TRPM1: variants seen among roughly 807,000 people sequenced by gnomAD.
TRPM1 encodes the protein TRPM1-203 APA Isoform, Intron 10.
TRPM1 carries 113 observed loss-of-function variants against 149.4 expected under a neutral mutation model. That is an observed-to-expected ratio of 0.76 (90% CI 0.65 to 0.88). TRPM1 has a LOEUF of 0.88. Among genes scored for constraint, TRPM1 ranks in the 40% least tolerant of loss-of-function variants. The pLI is 0.00. For missense variants in TRPM1, 1,976 were observed against 2,038.7 expected, an observed-to-expected ratio of 0.97 and a Z score of 0.59; for synonymous variants, 741 against 759.5, an observed-to-expected ratio of 0.98 and a Z score of 0.40.
Position 31,037,763 on chromosome 15 carries a change from G to T in TRPM1, c.2519C>A (p.Thr840Lys), listed in dbSNP as rs758020288. ...CGCGTTATAGAATTCACAGATCTTT[G>T]TTCCGATGGGAATACTTCTCTGTTT... is the stretch of plus-strand genomic sequence containing the variant. ...HKKQRSIPIGTKICEFYNAPI... is the reference protein window; with the variant it reads ...HKKQRSIPIGKKICEFYNAPI... Residue 840 changes from threonine (T) to lysine (K), a missense_variant, in exon 20 of 28, where the codon ACA (threonine) becomes AAA (lysine). By Grantham distance (78) the Thr-to-Lys change is moderately conservative. Transcript: ENST00000256552. 12 of 1,614,104 alleles carry T rather than the reference G, an allele frequency of 7.4e-6. No individual in the cohort carries two copies. Among genetic ancestry groups the T allele is most frequent in the African/African-American group, 1.3e-5 (1 of 74,924 alleles).
Position 31,047,110 on chromosome 15 carries a change from C to T in TRPM1, c.1764+1G>A. ...AACACTACACAGGCACTGAGTTCTACCCTCTTTGGTCCAAACAAGTTGTTG... is the reference window on the plus strand; with the variant it reads ...AACACTACACAGGCACTGAGTTCTATCCTCTTTGGTCCAAACAAGTTGTTG... On this transcript the variant is annotated splice_donor_variant, in intron 15 of 27. Transcript: ENST00000256552. LOFTEE classifies it high-confidence loss of function. The T allele has an allele frequency of 1.9e-6, 3 of 1,614,220 alleles. No homozygotes were observed. Among genetic ancestry groups the T allele is most frequent in the Non-Finnish European group, 2.5e-6 (3 of 1,180,038 alleles).
chr15:31,109,027 A>G (rs1038141036), intron 1 of TRPM1, among the ~76,000 whole-genome samples: 5 of 152,226 alleles, frequency 3.3e-5, no homozygotes, highest in Admixed American at 2.6e-4. Flanking sequence ...GGAATGACTC[A>G]GAAATGACTT....
chr15:31,043,708 A>G (rs932056790), intron 16 of TRPM1, among the ~76,000 whole-genome samples: 1 of 152,232 alleles, frequency 6.6e-6, no homozygotes, highest in Admixed American at 6.5e-5. Context: ...AAGAATATAT[A>G]AGATAAAATA....
intron 13 of TRPM1, among the ~76,000 whole-genome samples, chr15:31,048,986 T>C (rs1208360979): frequency 6.6e-6 from 1 of 152,184 alleles, no homozygotes; most frequent in Non-Finnish European, 1.5e-5. Context: ...GGTGTGAAAC[T>C]TAGCTCTATG....
chr15:31,046,306 T>A (rs553402502), intron 15 of TRPM1, 73 bp from the exon 16 acceptor site: 1 of 1,391,568 alleles, frequency 7.2e-7, no homozygotes, highest in Non-Finnish European at 1.0e-6. Context: ...TTAGCAGTAT[T>A]GTTGATAGTG....
exon 1 of TRPM1, chr15:31,161,096 C>T (rs1334901776): frequency 2.2e-5 from 19 of 849,544 alleles, no homozygotes; most frequent in South Asian, 1.4e-4. Context: ...GGCAGCCCCA[C>T]GCACTGGGCG....
At chr15:31,125,729 CAAAAAAAAAAAAA>C (rs59878175) in intron 1 of TRPM1, among the ~76,000 whole-genome samples, 1 of 52,764 alleles carries the variant, frequency 1.9e-5, no homozygotes. Context: ...GACTCCGTCT[CAAAAAAAAAAAAA>C]AAAAAAAAAA....
At chr15:31,057,504 T>C (rs62038931) in intron 11 of TRPM1, among the ~76,000 whole-genome samples, 8,739 of 152,226 alleles carry the variant, frequency 0.057, 399 homozygotes, top group African/African-American at 0.11. Context: ...TTTACCTACA[T>C]AACAAACCTG....
chr15:31,014,330 G>A (rs1308054249), intron 27 of TRPM1, among the ~76,000 whole-genome samples: 2 of 152,010 alleles, frequency 1.3e-5, no homozygotes, highest in Non-Finnish European at 1.5e-5. Context: ...AAATACAGAC[G>A]AACCTTTCAG....
In TRPM1 at chr15:31,002,220, A is replaced by G. The variant is rs1441294641; in HGVS notation, c.4480T>C (p.Cys1494Arg). ...GAGCGCGTGATCTTTTGAACTTGGC[A>G]TTGCCATTCCGTCGTCAATTGCTGG... ...TDQQLTTEWQCQVQKITRSHS... is the reference protein window; with the variant it reads ...TDQQLTTEWQRQVQKITRSHS... The change falls in exon 28 of 28, where the codon TGC becomes CGC. Residue 1494 changes from cysteine to arginine, a missense_variant. Coordinates refer to ENST00000256552, the MANE Select transcript of TRPM1 (RefSeq NM_001252024.2). The G allele has an allele frequency of 1.2e-6, 2 of 1,614,102 alleles. No individual in the cohort carries two copies. The highest frequency in any genetic ancestry group is 1.1e-5 in the South Asian group (1 of 91,092).
intron 16 of TRPM1, among the ~76,000 whole-genome samples, chr15:31,043,491 C>T (rs1376652555): frequency 6.6e-6 from 1 of 152,154 alleles, no homozygotes; most frequent in Non-Finnish European, 1.5e-5. Context: ...CACGCCCGGC[C>T]ACGACTGACC....
chr15:31,120,725 CA>C (rs35006473), intron 1 of TRPM1, among the ~76,000 whole-genome samples: 309 of 143,666 alleles, frequency 2.2e-3, no homozygotes, highest in Middle Eastern at 3.6e-3. Context: ...GGAATTAGAC[CA>C]AAAAAAAAAA....
At chr15:31,012,364 A>C (rs2032216151) in intron 27 of TRPM1, among the ~76,000 whole-genome samples, 1 of 152,178 alleles carries the variant, frequency 6.6e-6, no homozygotes, top group Admixed American at 6.5e-5. Flanking sequence ...CTTCATTTTT[A>C]AAGGATAGTT....
intron 1 of TRPM1, among the ~76,000 whole-genome samples, chr15:31,114,074 C>T (rs2035762312): frequency 6.6e-6 from 1 of 152,026 alleles, no homozygotes; most frequent in Admixed American, 6.6e-5. Context: ...TCTAGCTAGA[C>T]AGAAAAGTTC....
intron 3 of TRPM1, 122 bp from the exon 4 acceptor site, chr15:31,070,348 T>C: frequency 2.2e-6 from 2 of 917,510 alleles, no homozygotes; most frequent in Admixed American, 1.8e-5. Flanking sequence ...AACACTTCAG[T>C]AAGCCAGCGT....
Position 31,062,635 on chromosome 15 carries a change from C to A in TRPM1, c.1033G>T (p.Ala345Ser), listed in dbSNP as rs2034263910. Reference sequence around the variant, plus strand: ...ATTGCAAACAGCTGATGTGATTGTGCCTTATTATAATTAAATGTTTTCTGA... The same window carrying A: ...ATTGCAAACAGCTGATGTGATTGTGACTTATTATAATTAAATGTTTTCTGA... ...TIQKTFNYNK[A>S]QSHQLFAIIM... Residue 345 changes from alanine (A) to serine (S), a missense_variant, in exon 9 of 28, where the codon GCA becomes TCA. Coordinates refer to ENST00000256552, the MANE Select transcript of TRPM1 (RefSeq NM_001252024.2). The A allele has an allele frequency of 9.3e-6, 15 of 1,613,950 alleles. No homozygotes were observed. The highest frequency in any genetic ancestry group is 1.3e-5 in the Non-Finnish European group (15 of 1,179,918).
intron 1 of TRPM1, among the ~76,000 whole-genome samples, chr15:31,086,602 C>A (rs2035006571): frequency 6.6e-6 from 1 of 152,302 alleles, no homozygotes; most frequent in Non-Finnish European, 1.5e-5. Flanking sequence ...CCTCTCCCAG[C>A]AGGGGCTCCA....
chr15:31,038,284 G>A (rs907535460), intron 18 of TRPM1, 118 bp from the exon 19 acceptor site: 2 of 1,163,570 alleles, frequency 1.7e-6, no homozygotes, highest in African/African-American at 1.5e-5. Context: ...GCCCTGGAAT[G>A]TTATCCCTGG....
intron 1 of TRPM1, among the ~76,000 whole-genome samples, chr15:31,082,843 C>T (rs2034898278): frequency 6.6e-6 from 1 of 152,138 alleles, no homozygotes. Context: ...GAAGTGTAGA[C>T]AGCAAGTGTC....
Sources: allele counts gnomAD v4.1 joint callset (sites outside exome capture counted in the v4.1 genomes callset), GRCh38; gene constraint gnomAD v4.1.1; transcripts MANE v1.5; gene names NCBI Gene and HGNC (gene_info 2026-07-23, HGNC 2026-07-21).